The following CNTNAP5 variants were observed in gnomAD, a reference collection of about 807,000 sequenced individuals.
CNTNAP5 encodes the protein contactin associated protein family member 5.
CNTNAP5 carries 72 observed loss-of-function variants against 150.2 expected under a neutral mutation model. That is an observed-to-expected ratio of 0.48 (90% CI 0.40 to 0.58). The LOEUF is 0.58. Ranked by LOEUF, CNTNAP5 falls within the 20% of genes least tolerant of loss-of-function variation. The pLI is 0.00. For missense variants in CNTNAP5, 1,636 were observed against 1,626.2 expected (o/e 1.01, Z -0.10); for synonymous variants, 672 against 619.8 (o/e 1.08, Z -1.25).
chr2:124,718,791 A>C (rs1347045170), intron 13 of CNTNAP5, among the ~76,000 whole-genome samples: 2 of 151,994 alleles, frequency 1.3e-5, no homozygotes, highest in African/African-American at 4.8e-5. Context: ...AAAAAACACA[A>C]AAAATTAGTC....
In CNTNAP5 at chr2:124,812,292, A is replaced by C. The variant is rs1045331335; in HGVS notation, c.3217+13972A>C. 4.0e-5 allele frequency among the ~76,000 whole-genome samples: 6 copies of C among 149,218 alleles called. No homozygotes were observed. In the Admixed American group the frequency reaches 4.1e-4, roughly 10 times the overall value. On this transcript the variant is annotated intron_variant, in intron 19 of 23. Transcript: ENST00000682447. ...AGCTCCTCATTGCCAGATCTGGTTC[A>C]GGCCTTAATCTCCATGAGCTACCTA...
intron 1 of CNTNAP5, among the ~76,000 whole-genome samples, chr2:124,091,077 AG>A (rs759033974): frequency 7.9e-5 from 12 of 152,212 alleles, no homozygotes; most frequent in Non-Finnish European, 1.8e-4. Context: ...GCGAAAATGC[AG>A]GGCCTGGAAA....
intron 3 of CNTNAP5, among the ~76,000 whole-genome samples, chr2:124,337,492 T>A (rs557670920): frequency 2.0e-5 from 3 of 152,252 alleles, no homozygotes; most frequent in East Asian, 3.9e-4. Flanking sequence ...TCTTCTAGGG[T>A]TTTTATGGTT....
intron 6 of CNTNAP5, among the ~76,000 whole-genome samples, chr2:124,452,673 C>T (rs1030482089): frequency 6.6e-6 from 1 of 152,126 alleles, no homozygotes; most frequent in African/African-American, 2.4e-5. Context: ...GGAGCAGGTG[C>T]CCATATCCGT....
intron 5 of CNTNAP5, among the ~76,000 whole-genome samples, chr2:124,443,710 A>T (rs36138338): frequency 0.2 from 30,580 of 151,740 alleles, 3,324 homozygotes; most frequent in East Asian, 0.33. Context: ...TTTTATTTTA[A>T]TCATTGTTAT....
At chr2:124,816,675 A>G (rs1682370657) in intron 19 of CNTNAP5, among the ~76,000 whole-genome samples, 1 of 151,456 alleles carries the variant, frequency 6.6e-6, no homozygotes, top group Non-Finnish European at 1.5e-5. Context: ...AAGAGGTTTC[A>G]CCATGTTGGT....
At chr2:124,217,492 G>A (rs769301108) in intron 1 of CNTNAP5, among the ~76,000 whole-genome samples, 7 of 152,072 alleles carry the variant, frequency 4.6e-5, no homozygotes, top group Non-Finnish European at 2.9e-5. Context: ...CATGTGCTTG[G>A]GGTAGTACTG....
At chr2:124,832,400 ATAT>A (rs1682735537) in intron 19 of CNTNAP5, among the ~76,000 whole-genome samples, 2 of 152,150 alleles carry the variant, frequency 1.3e-5, no homozygotes, top group South Asian at 4.1e-4. Flanking sequence ...AGAAATAAAA[ATAT>A]TATAGTTTTC....
At chr2:124,646,837 C>T (rs999275343) in intron 12 of CNTNAP5, among the ~76,000 whole-genome samples, 1 of 152,122 alleles carries the variant, frequency 6.6e-6, no homozygotes, top group Admixed American at 6.5e-5. Flanking sequence ...GCTGGGCACG[C>T]TGGCTCATGC....
chr2:124,212,393 T>C (rs1686036312), intron 1 of CNTNAP5, among the ~76,000 whole-genome samples: 1 of 152,284 alleles, frequency 6.6e-6, no homozygotes, highest in East Asian at 1.9e-4. Flanking sequence ...GAGTGAAATT[T>C]GTGGAAACTT....
chr2:124,524,255 T>C (rs1452477598), intron 8 of CNTNAP5, 48 bp from the exon 9 acceptor site: 21 of 1,598,478 alleles, frequency 1.3e-5, no homozygotes, highest in Non-Finnish European at 1.8e-5. Context: ...TCTCTCTAAG[T>C]CTTCTGGACC....
At chr2:124,543,991 G>C (rs769904589) in intron 10 of CNTNAP5, among the ~76,000 whole-genome samples, 4 of 151,634 alleles carry the variant, frequency 2.6e-5, no homozygotes, top group African/African-American at 4.8e-5. Flanking sequence ...AATCCATAGA[G>C]AACTATAATA....
intron 1 of CNTNAP5, among the ~76,000 whole-genome samples, chr2:124,110,903 G>T: frequency 6.6e-6 from 1 of 152,132 alleles, no homozygotes; most frequent in East Asian, 1.9e-4. Context: ...CACCAGAACG[G>T]GGAGCTGAGG....
intron 3 of CNTNAP5, among the ~76,000 whole-genome samples, chr2:124,322,597 G>C (rs1396607775): frequency 2.0e-5 from 3 of 152,186 alleles, no homozygotes; most frequent in Non-Finnish European, 4.4e-5. Flanking sequence ...AATAAATCAG[G>C]GTCATCGGTA....
chr2:124,283,362 C>G (rs1291553432), intron 3 of CNTNAP5, among the ~76,000 whole-genome samples: 4 of 152,182 alleles, frequency 2.6e-5, no homozygotes, highest in African/African-American at 9.6e-5. Flanking sequence ...GGTCACAAGT[C>G]TTGCCAGCTC....
intron 1 of CNTNAP5, among the ~76,000 whole-genome samples, chr2:124,181,598 A>T (rs926252137): frequency 6.6e-6 from 1 of 152,138 alleles, no homozygotes; most frequent in African/African-American, 2.4e-5. Context: ...ATTACATGAA[A>T]ATTGTTCTGC....
chr2:124,386,444 G>T (rs536416375), intron 3 of CNTNAP5, among the ~76,000 whole-genome samples: 32 of 152,310 alleles, frequency 2.1e-4, no homozygotes, highest in Middle Eastern at 6.8e-3. Flanking sequence ...TTGAAAATAT[G>T]CAGGGATAGT....
At chr2:124,332,712 A>T (rs962755304) in intron 3 of CNTNAP5, among the ~76,000 whole-genome samples, 2 of 152,012 alleles carry the variant, frequency 1.3e-5, no homozygotes, top group African/African-American at 4.8e-5. Flanking sequence ...TTATTATTTT[A>T]AAAAGTTCAT....
At position 124,271,995 on chromosome 2, in the gene CNTNAP5, G is replaced by A. The variant is rs890204746; in HGVS notation, c.381+29602G>A. 5.3e-5 allele frequency among the ~76,000 whole-genome samples: 8 copies of A among 151,996 alleles called. No individual in the cohort carries two copies. The East Asian group carries it at 1.2e-3, about 22-fold the overall frequency. On this transcript the variant is annotated intron_variant, in intron 3 of 23. Transcript: ENST00000682447. ...CTCCCAAAGTGCTGGGATTACAGGCGGGAGCCACTGTGCCTGGCCTAATTT... is the reference window on the plus strand; with the variant it reads ...CTCCCAAAGTGCTGGGATTACAGGCAGGAGCCACTGTGCCTGGCCTAATTT...
Sources: allele counts gnomAD v4.1 joint callset (sites outside exome capture counted in the v4.1 genomes callset), GRCh38; gene constraint gnomAD v4.1.1; transcripts MANE v1.5; gene names NCBI Gene and HGNC (gene_info 2026-07-23, HGNC 2026-07-21).